The following SVOP variants were observed in gnomAD, a reference collection of about 807,000 sequenced individuals.
SVOP encodes synaptic vesicle 2-related protein.
In SVOP, 17 loss-of-function variants were observed where a neutral mutation model predicts 69.1. The ratio of observed to expected loss-of-function variants is 0.25; its 90% confidence interval spans 0.17 to 0.37. The LOEUF is 0.37. Among genes scored for constraint, SVOP ranks in the 10% least tolerant of loss-of-function variants. The pLI is 1.00. For missense variants in SVOP, 435 were observed against 597.5 expected (o/e 0.73, Z 2.84); for synonymous variants, 238 against 238.6 (o/e 1.00, Z 0.02).
rs2039915198 is a variant in SVOP at position 108,945,142 on chromosome 12, A to G, written c.603T>C (p.Leu201=). 2.0e-6 allele frequency: 3 copies of G among 1,536,992 alleles called. No individual in the cohort carries two copies. The highest frequency in any genetic ancestry group is 1.4e-5 in the African/African-American group (1 of 73,004). ...PQSVTLYAEF[L]PMKARAKCIL... ...TACATTTAGCTCTGGCTTTCATGGG[A>G]AGGAACTCGGCATACAGCGTCACCC... Residue 201 remains leucine (L), a synonymous_variant, in exon 7 of 16, where the codon CTT becomes CTC. Coordinates refer to ENST00000610966, the MANE Select transcript of SVOP (RefSeq NM_018711.5).
intron 4 of SVOP, among the ~76,000 whole-genome samples, chr12:108,976,697 C>A (rs1380039201): frequency 1.3e-5 from 2 of 151,792 alleles, no homozygotes; most frequent in East Asian, 1.9e-4. Context: ...CTCACTGCAA[C>A]CTCTGCCTCC....
Position 108,938,919 on chromosome 12 carries a change from C to T in SVOP, c.805G>A (p.Gly269Arg). 6.2e-7 allele frequency: 1 copy of T among 1,614,006 alleles called. No homozygotes were observed. Among genetic ancestry groups the T allele is most frequent in the Non-Finnish European group, 8.5e-7 (1 of 1,179,890 alleles). The change falls in exon 9 of 16, where the codon GGG becomes AGG. Residue 269 changes from glycine to arginine, a missense_variant. Transcript: ENST00000610966. ...GTGGCGATTGCCTTTTCCTGGTTCC[C>T]TGACAGCACATCATACCTTGCACTT... ...PESARYDVLS[G>R]NQEKAIATLK...
Position 108,938,949 on chromosome 12 carries a change from G to A in SVOP, c.775C>T (p.Pro259Ser). ...AGCACATCATACCTTGCACTTTCAG[G>A]CAGCCACTGGGATGGGGGAGACAGG... ...LLFAVLCFWL[P>S]ESARYDVLSG... The change falls in exon 9 of 16, where the codon CCT becomes TCT. Residue 259 changes from proline to serine, a missense_variant. Coordinates refer to ENST00000610966, the MANE Select transcript of SVOP (RefSeq NM_018711.5). 1.9e-6 allele frequency: 3 copies of A among 1,613,944 alleles called. No individual in the cohort carries two copies. The highest frequency in any genetic ancestry group is 2.5e-6 in the Non-Finnish European group (3 of 1,179,864).
intron 11 of SVOP, 101 bp downstream of exon 11, chr12:108,934,094 A>T: frequency 9.8e-7 from 1 of 1,024,514 alleles, no homozygotes; most frequent in East Asian, 2.6e-5. Flanking sequence ...GTACAAGGCC[A>T]ATCCCTTAAG....
In SVOP at chr12:108,908,854, C is replaced by CGTA. The variant is rs757076502; in HGVS notation, c.*3678_*3680dup. On this transcript the variant is annotated 3_prime_UTR_variant, in exon 16 of 16. Coordinates refer to ENST00000610966, the MANE Select transcript of SVOP (RefSeq NM_018711.5). Reference sequence around the variant, plus strand: ...GAGGCTGTGGGTATCCCTTGGTGCTCGTAGGCCCTTCCTTCCAGCCCTACA... The same window carrying CGTA: ...GAGGCTGTGGGTATCCCTTGGTGCTCGTAGTAGGCCCTTCCTTCCAGCCCTACA... 1.1e-4 allele frequency: 17 copies of CGTA among 152,276 alleles called. No homozygotes were observed. The highest frequency in any genetic ancestry group is 2.4e-4 in the Non-Finnish European group (16 of 68,048). 9.4% of individuals were successfully genotyped at this position (152,276 alleles called of 1,614,324 possible). A position where few individuals can be genotyped will look rare whatever the true frequency, so the allele number is the denominator to read the frequency against.
intron 1 of SVOP, among the ~76,000 whole-genome samples, chr12:108,997,564 T>C (rs1432548705): frequency 2.0e-5 from 3 of 152,038 alleles, no homozygotes; most frequent in Non-Finnish European, 4.4e-5. Context: ...TGTCCCTGTC[T>C]GACAGCTTTG....
At chr12:108,918,233 C>T (rs1246168270) in intron 13 of SVOP, 109 bp from the exon 14 acceptor site, 2 of 760,484 alleles carry the variant, frequency 2.6e-6, no homozygotes, top group African/African-American at 1.8e-5. Context: ...CAAAGGTTAC[C>T]CCTCCCCGAT....
intron 4 of SVOP, among the ~76,000 whole-genome samples, 165 bp downstream of exon 4, chr12:108,977,233 G>C (rs915305934): frequency 2.0e-5 from 3 of 152,222 alleles, no homozygotes; most frequent in Non-Finnish European, 4.4e-5. Context: ...AGTAGAGTTG[G>C]CTGTAAACCT....
At chr12:108,980,539 A>G (rs1304861251) in intron 2 of SVOP, among the ~76,000 whole-genome samples, 2 of 152,194 alleles carry the variant, frequency 1.3e-5, no homozygotes, top group Non-Finnish European at 2.9e-5. Context: ...ACCTGAGGCC[A>G]GGAGTTTGAC....
chr12:108,972,586 A>G, intron 4 of SVOP, 110 bp from the exon 5 acceptor site: 1 of 1,127,010 alleles, frequency 8.9e-7, no homozygotes, highest in South Asian at 1.3e-5. Context: ...GCAATGATCT[A>G]ACATTCACTG....
chr12:108,982,981 C>T (rs934849569), intron 2 of SVOP, among the ~76,000 whole-genome samples: 37 of 148,214 alleles, frequency 2.5e-4, no homozygotes, highest in African/African-American at 8.8e-4. Context: ...ATAATCATCA[C>T]TATCACCATC....
At chr12:108,933,593 T>A (rs2039836318) in intron 11 of SVOP, among the ~76,000 whole-genome samples, 1 of 151,966 alleles carries the variant, frequency 6.6e-6, no homozygotes, top group Non-Finnish European at 1.5e-5. Context: ...GGCAGGAGGA[T>A]TGCTTGAACC....
rs1048078521 is a variant in SVOP at position 108,912,809 on chromosome 12, T to C, written c.1441-68A>G. 3 of 1,465,502 alleles carry C rather than the reference T, an allele frequency of 2.0e-6. No individual in the cohort carries two copies. The East Asian group carries it at 7.2e-5, about 35-fold the overall frequency. 90.8% of individuals were successfully genotyped at this position (1,465,502 alleles called of 1,614,324 possible). A position where few individuals can be genotyped will look rare whatever the true frequency, so the allele number is the denominator to read the frequency against. Reference sequence around the variant, plus strand: ...AGCACAGACATCGCCAACCATCAAATAGTATTAGTAACATCAGGCCCTCTC... The same window carrying C: ...AGCACAGACATCGCCAACCATCAAACAGTATTAGTAACATCAGGCCCTCTC... On this transcript the variant is annotated intron_variant, in intron 15 of 15. Coordinates refer to ENST00000610966, the MANE Select transcript of SVOP (RefSeq NM_018711.5).
intron 4 of SVOP, among the ~76,000 whole-genome samples, chr12:108,976,610 CTCTCT>C (rs973721632): frequency 9.3e-5 from 12 of 129,188 alleles, no homozygotes; most frequent in Non-Finnish European, 1.7e-4. Flanking sequence ...CTCTCTCTCT[CTCTCT>C]TTTTTTTTTT....
intron 1 of SVOP, among the ~76,000 whole-genome samples, chr12:108,998,185 G>T (rs1243749368): frequency 6.6e-6 from 1 of 152,222 alleles, no homozygotes; most frequent in Non-Finnish European, 1.5e-5. Flanking sequence ...AGGAGCCGAT[G>T]CGATCAACTG....
At chr12:108,976,904 T>C (rs1026541586) in intron 4 of SVOP, among the ~76,000 whole-genome samples, 1 of 152,178 alleles carries the variant, frequency 6.6e-6, no homozygotes, top group African/African-American at 2.4e-5. Context: ...CGTGAGCCAC[T>C]ACGCCCAGCC....
chr12:108,927,745 C>T (rs2039790149), intron 11 of SVOP, among the ~76,000 whole-genome samples: 1 of 151,970 alleles, frequency 6.6e-6, no homozygotes, highest in Non-Finnish European at 1.5e-5. Context: ...GGACCACAGG[C>T]ACACCAAGTC....
intron 1 of SVOP, among the ~76,000 whole-genome samples, chr12:108,997,670 C>T (rs1226877560): frequency 6.6e-6 from 1 of 151,492 alleles, no homozygotes; most frequent in Non-Finnish European, 1.5e-5. Context: ...CCCGAGCAGC[C>T]TAACTGGGAG....
intron 11 of SVOP, among the ~76,000 whole-genome samples, chr12:108,929,501 G>T (rs1004287782): frequency 6.6e-6 from 1 of 152,062 alleles, no homozygotes; most frequent in African/African-American, 2.4e-5. Flanking sequence ...TAGAAATGGG[G>T]TCTCACTATG....
Sources: gnomAD v4.1 joint callset for allele counts (sites outside exome capture counted in the v4.1 genomes callset) on GRCh38, gnomAD v4.1.1 for gene constraint, MANE v1.5 for transcripts, NCBI Gene and HGNC (gene_info 2026-07-23, HGNC 2026-07-21) for gene names.